NCOR2: variants seen among roughly 807,000 people sequenced by gnomAD.
The protein encoded by NCOR2 is CTG repeat protein 26.
A neutral mutation model predicts 262.9 loss-of-function variants in NCOR2; 81 were observed. The ratio of observed to expected loss-of-function variants is 0.31; its 90% CI spans 0.26 to 0.37. The LOEUF (loss-of-function observed/expected upper bound fraction) is 0.37, where lower values mean the gene tolerates loss of function less well. Ranked by LOEUF, NCOR2 falls within the 10% of genes least tolerant of loss-of-function variation. The pLI, the probability that NCOR2 is intolerant of heterozygous loss-of-function variation, is 1.00. For synonymous variants in NCOR2, 1,659 were observed against 1,559.3 expected, an observed-to-expected ratio of 1.06 and a Z score of -1.51; for missense variants, 3,385 against 3,621.4, an observed-to-expected ratio of 0.93 and a Z score of 1.68.
intron 18 of NCOR2, among the ~76,000 whole-genome samples, chr12:124,376,919 G>A (rs570928689): frequency 1.2e-4 from 19 of 152,216 alleles, no homozygotes; most frequent in Non-Finnish European, 2.4e-4. Flanking sequence ...AGTCAGAAAG[G>A]AGAGTCAGGG....
At chr12:124,405,121 T>C (rs2042208907) in intron 13 of NCOR2, among the ~76,000 whole-genome samples, 1 of 151,124 alleles carries the variant, frequency 6.6e-6, no homozygotes, top group South Asian at 2.1e-4. Flanking sequence ...TGCCTCCCAC[T>C]CCAGACTCTA....
At chr12:124,466,449 C>G (rs1302045084) in intron 4 of NCOR2, among the ~76,000 whole-genome samples, 163 bp from the exon 7 acceptor site, 3 of 152,142 alleles carry the variant, frequency 2.0e-5, no homozygotes, top group African/African-American at 7.2e-5. Context: ...GACTCCGCAC[C>G]CGGGAGAGGC....
intron 9 of NCOR2, 33 bp downstream of exon 11, chr12:124,430,582 A>T: frequency 6.3e-7 from 1 of 1,577,248 alleles, no homozygotes; most frequent in Non-Finnish European, 8.6e-7. Flanking sequence ...CCGGGCCCTG[A>T]CGTCGGGGGC....
intron 7 of NCOR2, among the ~76,000 whole-genome samples, chr12:124,445,276 G>A (rs1427487561): frequency 6.6e-6 from 1 of 152,150 alleles, no homozygotes; most frequent in Non-Finnish European, 1.5e-5. Context: ...GGAGCATCCT[G>A]CCCAGGGTGG....
chr12:124,362,908 C>T lies in NCOR2; in HGVS notation c.2929-611G>A, dbSNP rs569020709. 8.7e-5 allele frequency among the ~76,000 whole-genome samples: 13 copies of T among 150,028 alleles called. No homozygotes were observed. The South Asian group carries it at 2.7e-3, about 32-fold the overall frequency. ...CCTGGTCCAGCTGCCTGGTAGTGAACAGGGGGAACCCACCTCCCCAGAAAG... is the reference window on the plus strand; with the variant it reads ...CCTGGTCCAGCTGCCTGGTAGTGAATAGGGGGAACCCACCTCCCCAGAAAG... On this transcript the variant is annotated intron_variant, in intron 21 of 46. Coordinates refer to ENST00000405201, the Ensembl canonical transcript of NCOR2.
chr12:124,551,206 A>G (rs2051702830), intron 1 of NCOR2, among the ~76,000 whole-genome samples: 1 of 152,236 alleles, frequency 6.6e-6, no homozygotes, highest in Non-Finnish European at 1.5e-5. Context: ...AAGGTGCATG[A>G]GAACAAAGTG....
At position 124,333,324 on chromosome 12, in the gene NCOR2, TGA is replaced by T. The variant is rs750201564; in HGVS notation, c.6606-47_6606-46del. ...CAGATGTGGTCAGAGGTCTCCCTAC[TGA>T]GGGGGCGCACCCTCCCTCCACTCTA... On this transcript the variant is annotated intron_variant, in intron 41 of 46. Transcript: ENST00000405201. 1.8e-4 allele frequency: 268 copies of T among 1,477,930 alleles called. 6 individuals carry two copies. The South Asian group carries it at 3.7e-3, about 20-fold the overall frequency. The allele number at this position is 1,477,930 out of a possible 1,614,324, so 91.6% of individuals were successfully genotyped here.
intron 1 of NCOR2, among the ~76,000 whole-genome samples, chr12:124,510,637 G>A (rs1308861757): frequency 1.3e-5 from 2 of 152,224 alleles, no homozygotes; most frequent in South Asian, 4.1e-4. Context: ...CCTGTCACCA[G>A]CATACCCATG....
chr12:124,500,396 C>A (rs1199584287), intron 1 of NCOR2, among the ~76,000 whole-genome samples: 1 of 152,218 alleles, frequency 6.6e-6, no homozygotes, highest in Non-Finnish European at 1.5e-5. Flanking sequence ...CTCTGCCAGG[C>A]AGCAGCAGAA....
At chr12:124,388,791 GTCGGC>G in intron 16 of NCOR2, 1 of 1,302,764 alleles carries the variant, frequency 7.7e-7, no homozygotes. Context: ...GGCGGCCGCG[GTCGGC>G]TCTGCGAGGC....
chr12:124,565,469 C>T (rs2052207270), intron 1 of NCOR2, among the ~76,000 whole-genome samples: 2 of 152,066 alleles, frequency 1.3e-5, no homozygotes, highest in South Asian at 4.1e-4. Flanking sequence ...GTTCAATGGG[C>T]GGGGGCACCT....
chr12:124,326,349 A>T (rs1354513288), exon 46 of NCOR2: 2 of 1,505,692 alleles, frequency 1.3e-6, no homozygotes, highest in Non-Finnish European at 8.8e-7. Flanking sequence ...TCTGCCAGAG[A>T]CCTTGGCCTT....
intron 44 of NCOR2, 151 bp downstream of exon 46, chr12:124,330,694 C>G: frequency 1.2e-6 from 1 of 815,286 alleles, no homozygotes; most frequent in Non-Finnish European, 1.9e-6. Flanking sequence ...TTGTGTGACT[C>G]TGAATCCTAC....
chr12:124,439,417 AG>A (rs2044679575), intron 7 of NCOR2, among the ~76,000 whole-genome samples: 1 of 100,480 alleles, frequency 1.0e-5, no homozygotes, highest in Admixed American at 1.0e-4. Context: ...AGAGACCCAG[AG>A]AGAGAGAGAG....
Position 124,334,634 on chromosome 12 carries a change from G to C in NCOR2, c.6412-17C>G. On this transcript the variant is annotated splice_polypyrimidine_tract_variant and intron_variant, in intron 40 of 46. Coordinates refer to ENST00000405201, the Ensembl canonical transcript of NCOR2. ...GATGACCTCCTGCAGGCAAGTGGGG[G>C]GGCCCAGAGTCAGGCAGCACTCTCC... is the stretch of plus-strand genomic sequence containing the variant. The C allele has an allele frequency of 6.6e-6, 9 of 1,361,228 alleles. No homozygotes were observed. The highest frequency in any genetic ancestry group is 8.5e-6 in the Non-Finnish European group (9 of 1,056,868). 84.3% of individuals were successfully genotyped at this position (1,361,228 alleles called of 1,614,324 possible). A position where few individuals can be genotyped will look rare whatever the true frequency, so the allele number is the denominator to read the frequency against.
intron 6 of NCOR2, among the ~76,000 whole-genome samples, chr12:124,450,251 G>C (rs1012884468): frequency 1.3e-5 from 2 of 152,206 alleles, no homozygotes; most frequent in Non-Finnish European, 1.5e-5. Context: ...CCATGGAAAC[G>C]CGCGTCCCAA....
intron 1 of NCOR2, among the ~76,000 whole-genome samples, chr12:124,532,966 C>T (rs1358949951): frequency 1.9e-5 from 2 of 105,268 alleles, no homozygotes; most frequent in Admixed American, 1.9e-4. Context: ...CTCTTCCCCC[C>T]TCCCTCCAAA....
Position 124,389,386 on chromosome 12 carries a change from G to A in NCOR2, c.1877-3499C>T, listed in dbSNP as rs2041098547. Among the ~76,000 whole-genome samples the A allele has an allele frequency of 6.6e-6, 1 of 152,238 alleles. No individual in the cohort carries two copies. Among genetic ancestry groups the A allele is most frequent in the Non-Finnish European group, 1.5e-5 (1 of 68,028 alleles). On this transcript the variant is annotated intron_variant, in intron 16 of 46. Transcript: ENST00000405201. The surrounding 1 kb of genome is among the most constrained non-coding windows in gnomAD (Gnocchi z 4.4). ...CAGGCGGGCGGGGGAGCGTGGCAGAGGCCCAGGTTCACAAGGGGCGGGCCA... is the reference window on the plus strand; with the variant it reads ...CAGGCGGGCGGGGGAGCGTGGCAGAAGCCCAGGTTCACAAGGGGCGGGCCA...
intron 27 of NCOR2, among the ~76,000 whole-genome samples, chr12:124,353,891 A>C (rs1053823138): frequency 6.6e-6 from 1 of 152,180 alleles, no homozygotes; most frequent in African/African-American, 2.4e-5. Flanking sequence ...CAGCTCCCTG[A>C]AGGCAGAGTT....
Sources: gnomAD v4.1 joint callset for allele counts (sites outside exome capture counted in the v4.1 genomes callset) on GRCh38, gnomAD v4.1.1 for gene constraint, Gnocchi (gnomAD v3.1) non-coding constraint, MANE v1.5 for transcripts, NCBI Gene and HGNC (gene_info 2026-07-23, HGNC 2026-07-21) for gene names.